Variants in CAST observed in about 807,000 individuals in gnomAD.
CAST encodes the protein MIR583 host.
CAST carries 76 observed loss-of-function variants against 119.6 expected under a neutral mutation model. The ratio of observed to expected loss-of-function variants is 0.64; its 90% confidence interval spans 0.53 to 0.77. The LOEUF is 0.77. Ranked by LOEUF, CAST falls within the 30% of genes least tolerant of loss-of-function variation. The pLI is 0.00. For synonymous variants in CAST, 319 were observed against 331.6 expected (o/e 0.96, Z 0.41); for missense variants, 953 against 946.5 (o/e 1.01, Z -0.09).
the CAST span, among the ~76,000 whole-genome samples, chr5:96,200,153 T>G: frequency 6.6e-6 from 1 of 152,172 alleles, no homozygotes; most frequent in African/African-American, 2.4e-5. Flanking sequence ...AATGGGAAGT[T>G]TGCATGATAC....
the CAST span, among the ~76,000 whole-genome samples, chr5:96,306,931 T>C: frequency 6.6e-6 from 1 of 152,192 alleles, no homozygotes. Flanking sequence ...ATTCTGTTGG[T>C]TTGGCATGGA....
chr5:96,172,531 A>T, the CAST span, among the ~76,000 whole-genome samples: 1 of 152,244 alleles, frequency 6.6e-6, no homozygotes, highest in African/African-American at 2.4e-5. Flanking sequence ...GTTTGTCTAA[A>T]GTGTGAATAA....
chr5:96,701,102 A>G (rs1318193540), intron 3 of CAST, among the ~76,000 whole-genome samples: 1 of 151,960 alleles, frequency 6.6e-6, no homozygotes, highest in Non-Finnish European at 1.5e-5. Context: ...TAATGTTTGT[A>G]TTTTTAGTAG....
At chr5:95,977,709 C>CA in the CAST span, among the ~76,000 whole-genome samples, 1 of 151,660 alleles carries the variant, frequency 6.6e-6, no homozygotes, top group African/African-American at 2.4e-5. Context: ...TAGGTAAACT[C>CA]ATGTCATGGG....
chr5:95,997,704 C>T, the CAST span, among the ~76,000 whole-genome samples: 1 of 152,126 alleles, frequency 6.6e-6, no homozygotes, highest in Non-Finnish European at 1.5e-5. Context: ...GTTCAGATGA[C>T]ATCTTTTCCA....
chr5:96,469,371 T>G, the CAST span, among the ~76,000 whole-genome samples: 5 of 152,142 alleles, frequency 3.3e-5, no homozygotes, highest in Non-Finnish European at 7.4e-5. Context: ...GTGGGATGGT[T>G]TGTGAAAAGA....
the CAST span, among the ~76,000 whole-genome samples, chr5:96,510,424 T>A: frequency 6.6e-6 from 1 of 152,228 alleles, no homozygotes; most frequent in Non-Finnish European, 1.5e-5. Context: ...ATGTTTCTTA[T>A]TATTGTAGCA....
At chr5:96,031,501 G>T in the CAST span, among the ~76,000 whole-genome samples, 7 of 152,112 alleles carry the variant, frequency 4.6e-5, no homozygotes, top group African/African-American at 1.4e-4. Context: ...CAGTCACACT[G>T]GTTCAAACAT....
the CAST span, among the ~76,000 whole-genome samples, chr5:96,488,853 A>C: frequency 1.3e-5 from 2 of 152,376 alleles, no homozygotes; most frequent in Admixed American, 6.5e-5. Context: ...GAGAAATAAG[A>C]ACAAGATCCA....
chr5:96,154,723 T>G, the CAST span, among the ~76,000 whole-genome samples: 1 of 152,222 alleles, frequency 6.6e-6, no homozygotes, highest in Non-Finnish European at 1.5e-5. Flanking sequence ...CTCCAGTACC[T>G]GTAGAATGCA....
At chr5:96,310,450 A>G in the CAST span, among the ~76,000 whole-genome samples, 1 of 152,158 alleles carries the variant, frequency 6.6e-6, no homozygotes, top group Non-Finnish European at 1.5e-5. Flanking sequence ...CCTCATAAAT[A>G]GGTCTGAAAA....
intron 1 of CAST, among the ~76,000 whole-genome samples, chr5:96,569,880 C>T (rs1376905251): frequency 2.0e-5 from 3 of 152,196 alleles, no homozygotes; most frequent in Admixed American, 6.5e-5. Flanking sequence ...AGTCAGTAAA[C>T]TATACATCTG....
chr5:96,199,998 T>C, the CAST span, among the ~76,000 whole-genome samples: 1 of 152,140 alleles, frequency 6.6e-6, no homozygotes, highest in African/African-American at 2.4e-5. Flanking sequence ...TGTTCTTGAA[T>C]ATGATAATAA....
the CAST span, among the ~76,000 whole-genome samples, chr5:96,416,822 G>A: frequency 1.3e-5 from 2 of 152,298 alleles, no homozygotes; most frequent in East Asian, 3.9e-4. Flanking sequence ...GGTAATTTAT[G>A]ATTTCAGAGT....
chr5:96,757,351 A>G, intron 22 of CAST, 93 bp from the exon 23 acceptor site: 2 of 1,124,534 alleles, frequency 1.8e-6, no homozygotes, highest in South Asian at 1.3e-5. Flanking sequence ...AACAGCAAGT[A>G]TAACCTGTAG....
the CAST span, among the ~76,000 whole-genome samples, chr5:96,040,372 T>G: frequency 1.5e-3 from 223 of 152,176 alleles, no homozygotes; most frequent in African/African-American, 5.0e-3. Flanking sequence ...ATTGCTTTCT[T>G]TTGCCTGACT....
the CAST span, among the ~76,000 whole-genome samples, chr5:96,035,547 G>A: frequency 1.3e-5 from 2 of 151,886 alleles, no homozygotes; most frequent in African/African-American, 2.4e-5. Context: ...TTGTGATTAG[G>A]GAAGTCTAGA....
At chr5:96,755,195 T>C (rs1171525468) in intron 22 of CAST, 1 of 152,936 alleles carries the variant, frequency 6.5e-6, no homozygotes, top group Admixed American at 6.5e-5. Flanking sequence ...TCAAAAAAAT[T>C]AGGCATGGTG....
intron 1 of CAST, among the ~76,000 whole-genome samples, chr5:96,590,790 G>GA (rs1370596894): frequency 6.6e-6 from 1 of 152,092 alleles, no homozygotes; most frequent in Admixed American, 6.5e-5. Context: ...AACAATGTTG[G>GA]AAAAATAGTT....
Sources: allele counts gnomAD v4.1 joint callset (sites outside exome capture counted in the v4.1 genomes callset), GRCh38; gene constraint gnomAD v4.1.1; transcripts MANE v1.5; gene names NCBI Gene and HGNC (gene_info 2026-07-23, HGNC 2026-07-21).